MAF: variants seen among roughly 807,000 people sequenced by gnomAD.
MAF encodes transcription factor Maf.
A neutral mutation model predicts 22.0 loss-of-function variants in MAF; 10 were observed. That is an observed-to-expected ratio of 0.45 (90% CI 0.28 to 0.77). The LOEUF (loss-of-function observed/expected upper bound fraction) is 0.77. Ranked by LOEUF, MAF falls within the 30% of genes least tolerant of loss-of-function variation. MAF has a pLI of 0.12. For synonymous variants in MAF, 337 were observed against 255.8 expected (o/e 1.32, Z -3.03); for missense variants, 544 against 548.4 (o/e 0.99, Z 0.08).
the MAF span, among the ~76,000 whole-genome samples, chr16:79,300,054 C>G: frequency 3.3e-5 from 5 of 152,088 alleles, no homozygotes; most frequent in Non-Finnish European, 7.4e-5. Context: ...TCCGCAGCAC[C>G]CAGGATAGCT....
the MAF span, among the ~76,000 whole-genome samples, chr16:79,402,253 G>C: frequency 6.6e-6 from 1 of 152,172 alleles, no homozygotes; most frequent in African/African-American, 2.4e-5. Context: ...GCATTTGCTT[G>C]ACACAGTATC....
Position 79,595,370 on chromosome 16 carries a change from G to A in MAF, c.1119-817C>T. ...AACTTAGCAGCACCAAACACAACCTGTTTTCTTAAAAATAAGTCTTTCAGT... is the reference window on the plus strand; with the variant it reads ...AACTTAGCAGCACCAAACACAACCTATTTTCTTAAAAATAAGTCTTTCAGT... On this transcript the variant is annotated intron_variant, in intron 1 of 1. Coordinates refer to ENST00000326043, the MANE Select transcript of MAF (RefSeq NM_005360.5). The A allele has an allele frequency of 3.8e-6, 4 of 1,051,128 alleles. No homozygotes were observed. The South Asian group carries it at 1.4e-4, about 36-fold the overall frequency. 65.1% of individuals were successfully genotyped at this position (1,051,128 alleles called of 1,614,324 possible). A position where few individuals can be genotyped will look rare whatever the true frequency, so the allele number is the denominator to read the frequency against.
At chr16:79,211,687 G>A in the MAF span, 1 of 1,614,210 alleles carries the variant, frequency 6.2e-7, no homozygotes, top group Admixed American at 1.7e-5. Context: ...TTCAACAACT[G>A]CTGCCGCTGC....
the MAF span, among the ~76,000 whole-genome samples, chr16:79,221,393 G>A: frequency 2.0e-5 from 3 of 152,156 alleles, no homozygotes; most frequent in South Asian, 6.2e-4. Flanking sequence ...CCAGAAGCCT[G>A]TGTAAATCAC....
At chr16:79,535,357 T>G in the MAF span, among the ~76,000 whole-genome samples, 1 of 151,422 alleles carries the variant, frequency 6.6e-6, no homozygotes, top group Admixed American at 6.6e-5. Flanking sequence ...TAGGCAATCA[T>G]GTACTAACTT....
At chr16:79,578,569 G>C in the MAF span, among the ~76,000 whole-genome samples, 1 of 151,804 alleles carries the variant, frequency 6.6e-6, no homozygotes, top group Non-Finnish European at 1.5e-5. Context: ...AACAGACATG[G>C]AAATATAAAA....
chr16:79,324,393 G>A, the MAF span, among the ~76,000 whole-genome samples: 1 of 152,128 alleles, frequency 6.6e-6, no homozygotes. Context: ...AAATCTGTGT[G>A]TACGAAGCGC....
the MAF span, among the ~76,000 whole-genome samples, chr16:79,560,280 G>A: frequency 3.3e-5 from 5 of 152,070 alleles, no homozygotes; most frequent in African/African-American, 9.7e-5. Flanking sequence ...AGACATTATT[G>A]GTTAAATCAT....
the MAF span, among the ~76,000 whole-genome samples, chr16:79,266,358 G>A: frequency 1.3e-5 from 2 of 150,220 alleles, no homozygotes; most frequent in Non-Finnish European, 2.9e-5. Context: ...GGATAAGGGG[G>A]GACTACTGTA....
chr16:79,542,524 C>G, the MAF span, among the ~76,000 whole-genome samples: 4 of 152,202 alleles, frequency 2.6e-5, no homozygotes, highest in Non-Finnish European at 5.9e-5. Context: ...ATCTCTGAGG[C>G]CCTTGGATAA....
chr16:79,208,275 G>A, the MAF span, among the ~76,000 whole-genome samples: 8 of 151,930 alleles, frequency 5.3e-5, no homozygotes, highest in South Asian at 2.1e-4. Context: ...GTCCTGTGTC[G>A]TCAACAACCT....
At chr16:79,523,623 G>A in the MAF span, among the ~76,000 whole-genome samples, 1 of 152,182 alleles carries the variant, frequency 6.6e-6, no homozygotes, top group Non-Finnish European at 1.5e-5. Context: ...ACGAAGAATT[G>A]CAAGGCGAGA....
At chr16:79,435,181 C>CAT in the MAF span, among the ~76,000 whole-genome samples, 13 of 152,114 alleles carry the variant, frequency 8.5e-5, no homozygotes, top group Admixed American at 6.5e-4. Flanking sequence ...GACACACGTC[C>CAT]ATATATACAC....
chr16:79,279,772 T>TC, the MAF span, among the ~76,000 whole-genome samples: 1 of 151,778 alleles, frequency 6.6e-6, no homozygotes, highest in Non-Finnish European at 1.5e-5. Context: ...CTGCTGCTTC[T>TC]TTTTTTTTCT....
At chr16:79,561,801 C>A in the MAF span, among the ~76,000 whole-genome samples, 2 of 152,152 alleles carry the variant, frequency 1.3e-5, no homozygotes, top group Non-Finnish European at 2.9e-5. Context: ...AGAGAGGAGA[C>A]GGTGTGTTTG....
the MAF span, among the ~76,000 whole-genome samples, chr16:79,274,369 T>C: frequency 7.0e-4 from 107 of 152,222 alleles, no homozygotes; most frequent in African/African-American, 2.3e-3. Flanking sequence ...TGCAGATGTC[T>C]GGTTTACCAG....
the MAF span, among the ~76,000 whole-genome samples, chr16:79,479,070 C>G: frequency 6.0e-5 from 9 of 149,292 alleles, no homozygotes; most frequent in African/African-American, 2.0e-4. Context: ...CACTCTAGCA[C>G]ATTGGTATAG....
the MAF span, among the ~76,000 whole-genome samples, chr16:79,360,269 C>A: frequency 6.6e-6 from 1 of 152,172 alleles, no homozygotes; most frequent in Admixed American, 6.5e-5. Flanking sequence ...TTCTGCTATC[C>A]ACCTGTCTCT....
At chr16:79,489,624 G>A in the MAF span, among the ~76,000 whole-genome samples, 1 of 152,206 alleles carries the variant, frequency 6.6e-6, no homozygotes, top group African/African-American at 2.4e-5. Flanking sequence ...AGAAAGTGGT[G>A]GAGAGGAGAT....
Sources: gnomAD v4.1 joint callset for allele counts (sites outside exome capture counted in the v4.1 genomes callset) on GRCh38, gnomAD v4.1.1 for gene constraint, MANE v1.5 for transcripts, NCBI Gene and HGNC (gene_info 2026-07-23, HGNC 2026-07-21) for gene names.